Variants in PAX5 observed in about 807,000 individuals in gnomAD.
PAX5 encodes paired box protein Pax-5.
PAX5 carries 9 observed loss-of-function variants against 43.7 expected under a neutral mutation model. The ratio of observed to expected loss-of-function variants is 0.21; its 90% CI spans 0.12 to 0.36. The LOEUF (loss-of-function observed/expected upper bound fraction) is 0.36. PAX5 is among the 10% of genes least tolerant of loss of function. The probability of loss-of-function intolerance (pLI) is 1.00; values close to 1 mark genes in which losing one functional copy is unlikely to be tolerated. For missense variants in PAX5, 383 were observed against 532.7 expected, an observed-to-expected ratio of 0.72 and a Z score of 2.77; for synonymous variants, 228 against 214.3, an observed-to-expected ratio of 1.06 and a Z score of -0.56.
intron 1 of PAX5, among the ~76,000 whole-genome samples, chr9:37,028,430 C>T (rs2132551189): frequency 6.6e-6 from 1 of 152,342 alleles, no homozygotes; most frequent in South Asian, 2.1e-4. Context: ...TAACGAAAGG[C>T]AGAGACGTTG....
intron 8 of PAX5, among the ~76,000 whole-genome samples, chr9:36,877,495 C>G (rs369616156): frequency 2.6e-5 from 4 of 152,304 alleles, no homozygotes; most frequent in South Asian, 2.1e-4. Flanking sequence ...ACAGATCTCA[C>G]AGTGAAACAG....
chr9:36,968,169 C>A lies in PAX5; in HGVS notation c.605-1445G>T, dbSNP rs535072894. Among the ~76,000 whole-genome samples the A allele has an allele frequency of 3.6e-3, 544 of 152,306 alleles. 5 individuals carry two copies. Among genetic ancestry groups the A allele is most frequent in the South Asian group, 9.5e-3 (46 of 4,826 alleles). Reference sequence around the variant, plus strand: ...GCAGTCAGGAAGCCCTGGGGAAAACCAGCGTGGGTCTGCTCTCATGCTGAA... The same window carrying A: ...GCAGTCAGGAAGCCCTGGGGAAAACAAGCGTGGGTCTGCTCTCATGCTGAA... On this transcript the variant is annotated intron_variant, in intron 5 of 9. Coordinates refer to ENST00000358127, the MANE Select transcript of PAX5 (RefSeq NM_016734.3).
At chr9:36,961,042 G>A (rs1031068565) in intron 6 of PAX5, among the ~76,000 whole-genome samples, 31 of 152,144 alleles carry the variant, frequency 2.0e-4, no homozygotes, top group African/African-American at 7.2e-4. Flanking sequence ...CCATAATGAA[G>A]GAAAATGAGC....
intron 9 of PAX5, among the ~76,000 whole-genome samples, chr9:36,842,276 A>G (rs1048426480): frequency 2.0e-5 from 3 of 152,048 alleles, no homozygotes; most frequent in African/African-American, 7.2e-5. Context: ...CCTGCCCTTC[A>G]CCCTGCCTGC....
At chr9:36,875,074 G>C (rs1302093811) in intron 8 of PAX5, among the ~76,000 whole-genome samples, 1 of 152,134 alleles carries the variant, frequency 6.6e-6, no homozygotes, top group Non-Finnish European at 1.5e-5. Flanking sequence ...CTCAGAACCA[G>C]GGAGTCTGGC....
rs1197914196 is a variant in PAX5, at chr9:36,973,135, A to AAAAGG, written c.605-6416_605-6412dup. Among the ~76,000 whole-genome samples, 494 of 74,616 alleles carry AAAAGG rather than the reference A, an allele frequency of 6.6e-3. 3 individuals carry two copies. Among genetic ancestry groups the AAAAGG allele is most frequent in the Middle Eastern group, 0.013 (2 of 152 alleles). 49.0% of individuals were successfully genotyped at this position (74,616 alleles called of 152,430 possible). A position where few individuals can be genotyped will look rare whatever the true frequency, so the allele number is the denominator to read the frequency against. On this transcript the variant is annotated intron_variant, in intron 5 of 9. Transcript: ENST00000358127. ...GAAAGGAAAGGAAAGGAAAGGAAAGAAAAGGAAAGGAAAGGAAAGGAAAGG... is the reference window on the plus strand; with the variant it reads ...GAAAGGAAAGGAAAGGAAAGGAAAGAAAAGGAAAGGAAAGGAAAGGAAAGGAAAGG...
At chr9:36,963,090 T>C (rs1834109472) in intron 6 of PAX5, among the ~76,000 whole-genome samples, 1 of 152,242 alleles carries the variant, frequency 6.6e-6, no homozygotes. Context: ...CCAGTGCCTG[T>C]GTGTGGGTGC....
At chr9:37,002,016 G>C (rs2132392744) in intron 5 of PAX5, among the ~76,000 whole-genome samples, 1 of 151,826 alleles carries the variant, frequency 6.6e-6, no homozygotes, top group Non-Finnish European at 1.5e-5. Context: ...CCGTGGAGGG[G>C]CTGAGAAAAA....
rs1433917007 is a variant in PAX5 at position 36,835,726 on chromosome 9, G to C, written c.*4834C>G. On this transcript the variant is annotated 3_prime_UTR_variant, in exon 10 of 10. Coordinates refer to ENST00000358127, the MANE Select transcript of PAX5 (RefSeq NM_016734.3). ...AGAAATAGTTTCCCCAGGAGAGCTG[G>C]TGTGTGGCTGGGAACCATCAGAGCA... The C allele has an allele frequency of 4.3e-6, 1 of 233,224 alleles. No individual in the cohort carries two copies. Among genetic ancestry groups the C allele is most frequent in the African/African-American group, 2.2e-5 (1 of 45,368 alleles). 14.4% of individuals were successfully genotyped at this position (233,224 alleles called of 1,614,324 possible). A position where few individuals can be genotyped will look rare whatever the true frequency, so the allele number is the denominator to read the frequency against.
chr9:36,940,446 T>C (rs933590897), intron 6 of PAX5, among the ~76,000 whole-genome samples: 1 of 152,206 alleles, frequency 6.6e-6, no homozygotes, highest in African/African-American at 2.4e-5. Flanking sequence ...GTGGAAATTA[T>C]TTCAGCAGGA....
chr9:36,855,474 C>T (rs1161902682), intron 8 of PAX5, among the ~76,000 whole-genome samples: 3 of 151,490 alleles, frequency 2.0e-5, no homozygotes. Flanking sequence ...GTCCTGCCCT[C>T]ATCTAAGCAA....
At chr9:36,992,834 A>G (rs1837056811) in intron 5 of PAX5, among the ~76,000 whole-genome samples, 1 of 152,238 alleles carries the variant, frequency 6.6e-6, no homozygotes, top group Admixed American at 6.5e-5. Flanking sequence ...AGAAATTTTC[A>G]AAGTGTAGTC....
intron 8 of PAX5, among the ~76,000 whole-genome samples, chr9:36,863,802 G>A (rs1439709851): frequency 2.0e-5 from 3 of 151,562 alleles, no homozygotes; most frequent in African/African-American, 7.3e-5. Flanking sequence ...ATTAGTGCAG[G>A]ACTGGCATAT....
At chr9:37,002,502 G>GA in intron 5 of PAX5, 146 bp downstream of exon 5, 1 of 832,910 alleles carries the variant, frequency 1.2e-6, no homozygotes, top group African/African-American at 1.7e-5. Context: ...CCGTGTTCAC[G>GA]AAAAGGACAG....
intron 1 of PAX5, chr9:37,026,714 T>A (rs145204247): frequency 7.0e-6 from 9 of 1,285,820 alleles, no homozygotes; most frequent in African/African-American, 6.0e-5. Context: ...AGCTTCGGGG[T>A]CTCTCTCAGA....
At chr9:37,013,768 C>G (rs1310803960) in intron 3 of PAX5, among the ~76,000 whole-genome samples, 1 of 152,182 alleles carries the variant, frequency 6.6e-6, no homozygotes, top group Non-Finnish European at 1.5e-5. Flanking sequence ...CTCTATCTCC[C>G]CTGTACCATG....
intron 1 of PAX5, among the ~76,000 whole-genome samples, chr9:37,032,053 T>C (rs867126333): frequency 6.6e-6 from 1 of 152,142 alleles, no homozygotes; most frequent in Non-Finnish European, 1.5e-5. Context: ...TCACTTGAAC[T>C]GTCGCCCTTT....
At chr9:37,030,298 G>A (rs940927104) in intron 1 of PAX5, among the ~76,000 whole-genome samples, 2 of 152,152 alleles carry the variant, frequency 1.3e-5, no homozygotes, top group African/African-American at 4.8e-5. Flanking sequence ...CAAAAGGCGC[G>A]ACCGGACCTC....
At chr9:36,944,619 G>A (rs1331369278) in intron 6 of PAX5, among the ~76,000 whole-genome samples, 1 of 152,148 alleles carries the variant, frequency 6.6e-6, no homozygotes, top group Non-Finnish European at 1.5e-5. Context: ...GAGGTTTTCT[G>A]ACTAACTCTC....
Sources: gnomAD v4.1 joint callset for allele counts (sites outside exome capture counted in the v4.1 genomes callset) on GRCh38, gnomAD v4.1.1 for gene constraint, MANE v1.5 for transcripts, NCBI Gene and HGNC (gene_info 2026-07-23, HGNC 2026-07-21) for gene names.